The following LSG1 variants were observed in gnomAD, a reference collection of about 807,000 sequenced individuals.
LSG1 encodes the protein large subunit GTPase 1 homolog.
Under a neutral mutation model 82.6 loss-of-function variants are expected in LSG1, and 55 were observed. The observed-to-expected ratio is 0.67, with a 90% CI of 0.54 to 0.83. The LOEUF is 0.83. Among genes scored for constraint, LSG1 ranks in the 40% least tolerant of loss-of-function variants. The probability of loss-of-function intolerance (pLI) is 0.00; values close to 1 mark genes in which losing one functional copy is unlikely to be tolerated. For synonymous variants in LSG1, 272 were observed against 282.5 expected (o/e 0.96, Z 0.37); for missense variants, 809 against 807.9 (o/e 1.00, Z -0.02).
At chr3:194,670,228 T>A (rs112631811) in intron 1 of LSG1, 93 bp from the exon 2 acceptor site, 4 of 1,362,156 alleles carry the variant, frequency 2.9e-6, no homozygotes, top group African/African-American at 2.9e-5. Context: ...GTCTATGGTC[T>A]TGAGGGTGGT....
chr3:194,642,042 G>C lies in LSG1; in HGVS notation c.*26C>G. On this transcript the variant is annotated 3_prime_UTR_variant, in exon 14 of 14. Transcript: ENST00000265245. ...TGCTCTTTTCCATCTGCACAATGCA[G>C]ATGACATTTCTGTTGCAGCCCAACC... The C allele has an allele frequency of 6.2e-7, 1 of 1,609,376 alleles. No individual in the cohort carries two copies.
rs563365140 is a variant in LSG1, at chr3:194,661,051, C to A, written c.522-918G>T. 3.6e-3 allele frequency among the ~76,000 whole-genome samples: 541 copies of A among 152,220 alleles called. 3 individuals are homozygous for A. Among genetic ancestry groups the A allele is most frequent in the Non-Finnish European group, 6.2e-3 (423 of 68,012 alleles). On this transcript the variant is annotated intron_variant, in intron 5 of 13. Coordinates refer to ENST00000265245, the MANE Select transcript of LSG1 (RefSeq NM_018385.3). ...CTCCCCAAAATCCTTATTCTGTTAA[C>A]CAGCCTTTTCTGAGGCAACTTTGCA...
chr3:194,667,942 A>AAAAATAT (rs1416407494), intron 2 of LSG1, among the ~76,000 whole-genome samples: 2 of 86,960 alleles, frequency 2.3e-5, no homozygotes, highest in Admixed American at 1.5e-4. Flanking sequence ...AAAAAAAAAA[A>AAAAATAT]ATATATATAT....
rs1719015153 is a variant in LSG1 at position 194,665,573 on chromosome 3, T to C, written c.505A>G (p.Arg169Gly). Residue 169 changes from arginine (R) to glycine (G), a missense_variant, in exon 5 of 14, where the codon AGA (arginine) becomes GGA (glycine). Coordinates refer to ENST00000265245, the MANE Select transcript of LSG1 (RefSeq NM_018385.3). ...RNLDFWRQLW[R>G]VIERSDIVVQ... ...ATAATTCACCTTCTCTCAATGACTC[T>C]CCAGAGCTGGCGCCAAAAGTCCAAA... 1.9e-6 allele frequency: 3 copies of C among 1,612,640 alleles called. No individual in the cohort carries two copies. Among genetic ancestry groups the C allele is most frequent in the East Asian group, 4.5e-5 (2 of 44,864 alleles).
At chr3:194,650,612 C>CA (rs1186408500) in intron 10 of LSG1, 1 of 313,360 alleles carries the variant, frequency 3.2e-6, no homozygotes, top group African/African-American at 2.2e-5. Context: ...CAAGGTCATT[C>CA]AAACGGTTAC....
At chr3:194,665,901 C>T (rs1037221921) in intron 4 of LSG1, among the ~76,000 whole-genome samples, 2 of 152,256 alleles carry the variant, frequency 1.3e-5, no homozygotes, top group Admixed American at 6.5e-5. Context: ...CTTTCCCACA[C>T]TCTTACTGGA....
chr3:194,643,213 T>C (rs956639116), intron 13 of LSG1, among the ~76,000 whole-genome samples: 2 of 152,254 alleles, frequency 1.3e-5, no homozygotes, highest in Non-Finnish European at 2.9e-5. Flanking sequence ...TATAAGCAAC[T>C]GAAGTTATCA....
chr3:194,666,184 T>C lies in LSG1; in HGVS notation c.434+19A>G. 1.2e-6 allele frequency: 2 copies of C among 1,600,052 alleles called. No homozygotes were observed. Among genetic ancestry groups the C allele is most frequent in the South Asian group, 1.1e-5 (1 of 90,636 alleles). ...CTCAGGATTTCAAAGTAAGTCTTCA[T>C]AGAGTCTATAATACTCACCGGACAA... is the stretch of plus-strand genomic sequence containing the variant. On this transcript the variant is annotated intron_variant, in intron 4 of 13. Transcript: ENST00000265245.
At position 194,644,563 on chromosome 3, in the gene LSG1, T is replaced by C. The variant is rs775768303; in HGVS notation, c.1797+10A>G. ...TGGATCAGAAGTTTAAGAAAAGCTT[T>C]AAAACTTACTTGATGGAAAAAAGTT... is the stretch of plus-strand genomic sequence containing the variant. On this transcript the variant is annotated intron_variant, in intron 13 of 13. Transcript: ENST00000265245. The C allele has an allele frequency of 1.5e-5, 24 of 1,606,292 alleles. No homozygotes were observed. The highest frequency in any genetic ancestry group is 2.0e-5 in the Non-Finnish European group (24 of 1,176,030).
At chr3:194,642,538 T>C (rs1426724680) in intron 13 of LSG1, among the ~76,000 whole-genome samples, 3 of 152,066 alleles carry the variant, frequency 2.0e-5, no homozygotes, top group South Asian at 2.1e-4. Context: ...ATATCAAAAC[T>C]TAACCTGTTT....
chr3:194,645,575 GACAC>G (rs57272537), intron 12 of LSG1, among the ~76,000 whole-genome samples: 1,404 of 20,096 alleles, frequency 0.07, 168 homozygotes, highest in Non-Finnish European at 0.095. Flanking sequence ...CACACAGACA[GACAC>G]ACACACACAC....
chr3:194,660,089 A>T lies in LSG1; in HGVS notation c.566T>A (p.Phe189Tyr). 1 of 1,614,062 alleles carries T rather than the reference A, an allele frequency of 6.2e-7. No individual in the cohort carries two copies. Among genetic ancestry groups the T allele is most frequent in the Non-Finnish European group, 8.5e-7 (1 of 1,179,936 alleles). ...QIVDARNPLL[F>Y]RCEDLECYVK... is the part of the protein sequence containing the mutation. ...TTGACTTACCAAATCCTCACATCTAAACAGGAGTGGGTTTCGAGCATCTAC... is the reference window on the plus strand; with the variant it reads ...TTGACTTACCAAATCCTCACATCTATACAGGAGTGGGTTTCGAGCATCTAC... Residue 189 changes from phenylalanine to tyrosine, a missense_variant, in exon 6 of 14, where the codon TTT becomes TAT. By Grantham distance (22) the Phe-to-Tyr change is conservative. Transcript: ENST00000265245.
Position 194,645,495 on chromosome 3 carries a change from T to TACACAC in LSG1, c.1623+663_1623+668dup, listed in dbSNP as rs56936610. 5.8e-4 allele frequency: 36 copies of TACACAC among 62,032 alleles called. 1 individual carries two copies. Among genetic ancestry groups the TACACAC allele is most frequent in the East Asian group, 1.6e-3 (3 of 1,820 alleles). The allele number at this position is 62,032 out of a possible 1,614,324, so 3.8% of individuals were successfully genotyped here. ...ATGTGCCAGGCATTGAGCTTAGTGC[T>TACACAC]ACACACACACACACACACACACACA... On this transcript the variant is annotated intron_variant, in intron 12 of 13. Coordinates refer to ENST00000265245, the MANE Select transcript of LSG1 (RefSeq NM_018385.3).
rs71179379 is a variant in LSG1, at chr3:194,644,383, A to AAAAT, written c.1797+186_1797+189dup. On this transcript the variant is annotated intron_variant, in intron 13 of 13. Coordinates refer to ENST00000265245, the MANE Select transcript of LSG1 (RefSeq NM_018385.3). ...GACTCCGTCTCAAAAAAAAAAAATA[A>AAAAT]AAATAAATAAATAAATAAATAAATA... is the stretch of plus-strand genomic sequence containing the variant. 9.5e-3 allele frequency among the ~76,000 whole-genome samples: 1,266 copies of AAAAT among 132,908 alleles called. 55 individuals are homozygous for AAAAT. Among genetic ancestry groups the AAAAT allele is most frequent in the African/African-American group, 0.015 (498 of 33,942 alleles). The allele number at this position is 132,908 out of a possible 152,430, so 87.2% of individuals were successfully genotyped here.
intron 5 of LSG1, among the ~76,000 whole-genome samples, chr3:194,664,035 C>T (rs967596618): frequency 6.6e-6 from 1 of 152,038 alleles, no homozygotes; most frequent in Non-Finnish European, 1.5e-5. Flanking sequence ...TGCAGTGGTG[C>T]GATCTCGGCT....
At chr3:194,655,192 A>G (rs1346879290) in intron 7 of LSG1, among the ~76,000 whole-genome samples, 1 of 152,228 alleles carries the variant, frequency 6.6e-6, no homozygotes, top group Non-Finnish European at 1.5e-5. Context: ...CACTGACATT[A>G]AAACAATTCT....
intron 7 of LSG1, among the ~76,000 whole-genome samples, chr3:194,654,988 A>C (rs1224505896): frequency 6.6e-6 from 1 of 152,234 alleles, no homozygotes; most frequent in Non-Finnish European, 1.5e-5. Context: ...AACAGTGAAT[A>C]TCAGGCTACT....
Position 194,641,108 on chromosome 3 carries a change from G to A in LSG1, c.*960C>T, listed in dbSNP as rs1718365814. On this transcript the variant is annotated 3_prime_UTR_variant, in exon 14 of 14. Transcript: ENST00000265245. The stretch of plus-strand genomic sequence containing the variant: ...CTTACATTTCAACATGAGACTCGGT[G>A]AGGACACAGATCCAAACCACATCAA... 6.6e-6 allele frequency: 1 copy of A among 152,190 alleles called. No individual in the cohort carries two copies. Among genetic ancestry groups the A allele is most frequent in the African/African-American group, 2.4e-5 (1 of 41,440 alleles). The allele number at this position is 152,190 out of a possible 1,614,324, so 9.4% of individuals were successfully genotyped here.
chr3:194,647,930 G>GTTCAAGGT (rs1420084610), intron 11 of LSG1, among the ~76,000 whole-genome samples: 2 of 152,122 alleles, frequency 1.3e-5, no homozygotes, highest in Non-Finnish European at 1.5e-5. Flanking sequence ...GAGTCTCTAA[G>GTTCAAGGT]TTCAAGGTTT....
Sources: allele counts gnomAD v4.1 joint callset (sites outside exome capture counted in the v4.1 genomes callset), GRCh38; gene constraint gnomAD v4.1.1; transcripts MANE v1.5; gene names NCBI Gene and HGNC (gene_info 2026-07-23, HGNC 2026-07-21).